FOXP2: variants seen among roughly 807,000 people sequenced by gnomAD.
FOXP2 encodes the protein forkhead box P2.
FOXP2 carries 12 observed loss-of-function variants against 115.8 expected under a neutral mutation model. The ratio of observed to expected loss-of-function variants is 0.10; its 90% confidence interval spans 0.07 to 0.17. FOXP2 has a LOEUF of 0.17. Ranked by LOEUF, FOXP2 falls within the 10% of genes least tolerant of loss-of-function variation. The probability of loss-of-function intolerance (pLI) is 1.00; values close to 1 mark genes in which losing one functional copy is unlikely to be tolerated. For synonymous variants in FOXP2, 328 were observed against 297.7 expected (o/e 1.10, Z -1.05); for missense variants, 629 against 843.5 (o/e 0.75, Z 3.15).
At chr7:114,623,412 T>A in intron 3 of FOXP2, among the ~76,000 whole-genome samples, 1 of 151,888 alleles carries the variant, frequency 6.6e-6, no homozygotes, top group Admixed American at 6.6e-5. Flanking sequence ...TTTCAGCTAA[T>A]CAAAGAGGGG....
intron 2 of FOXP2, among the ~76,000 whole-genome samples, chr7:114,353,647 CATA>C (rs1482142185): frequency 6.6e-6 from 1 of 152,092 alleles, no homozygotes; most frequent in Non-Finnish European, 1.5e-5. Flanking sequence ...TCATAAGTAT[CATA>C]ATACTTCTGA....
chr7:114,556,456 A>G (rs1800457734), intron 3 of FOXP2, among the ~76,000 whole-genome samples: 1 of 152,130 alleles, frequency 6.6e-6, no homozygotes, highest in African/African-American at 2.4e-5. Context: ...AGGGGTGATC[A>G]TAATCTGAAT....
At chr7:114,086,842 TTC>T (rs201571454), upstream of FOXP2, among the ~76,000 whole-genome samples, 2,625 of 152,270 alleles carry the variant, frequency 0.017, 43 homozygotes, top group Middle Eastern at 0.034. Context: ...CCACTTGTTG[TTC>T]TCTTTCATTT....
At chr7:114,672,602 T>C (rs1376206375) in intron 16 of FOXP2, among the ~76,000 whole-genome samples, 1 of 45,588 alleles carries the variant, frequency 2.2e-5, no homozygotes, top group South Asian at 1.6e-3. Context: ...AAAATACCTA[T>C]TACTTTTACT....
intron 2 of FOXP2, among the ~76,000 whole-genome samples, chr7:114,502,477 A>T (rs1248181208): frequency 2.0e-5 from 3 of 152,068 alleles, no homozygotes; most frequent in Admixed American, 6.6e-5. Flanking sequence ...AAAGATATTC[A>T]TAACAATTTT....
chr7:114,430,502 A>T (rs1000928457), intron 2 of FOXP2, among the ~76,000 whole-genome samples: 2 of 151,840 alleles, frequency 1.3e-5, no homozygotes, highest in Middle Eastern at 3.2e-3. Flanking sequence ...TTACATACAT[A>T]TTTCAGAAGG....
At chr7:114,164,088 C>G (rs921379119) in intron 1 of FOXP2, among the ~76,000 whole-genome samples, 1 of 152,074 alleles carries the variant, frequency 6.6e-6, no homozygotes, top group Admixed American at 6.6e-5. Flanking sequence ...ATGGAGTGGT[C>G]CAAGTGGCCC....
At chr7:114,160,599 G>C (rs1249056927), upstream of FOXP2, among the ~76,000 whole-genome samples, 1 of 152,072 alleles carries the variant, frequency 6.6e-6, no homozygotes, top group Non-Finnish European at 1.5e-5. Context: ...GCATACTTGA[G>C]AGAATCTGCA....
chr7:114,556,911 T>A (rs925206741), intron 3 of FOXP2, among the ~76,000 whole-genome samples: 1 of 152,220 alleles, frequency 6.6e-6, no homozygotes, highest in African/African-American at 2.4e-5. Flanking sequence ...TCTTTTGTAT[T>A]GTTTTTTGAA....
intron 2 of FOXP2, among the ~76,000 whole-genome samples, chr7:114,442,244 T>C (rs974525394): frequency 6.6e-6 from 1 of 152,156 alleles, no homozygotes; most frequent in Non-Finnish European, 1.5e-5. Context: ...ATAATTCTAT[T>C]TGTATGAAGC....
chr7:114,680,975 C>T (rs1808057026), intron 16 of FOXP2, among the ~76,000 whole-genome samples: 2 of 152,094 alleles, frequency 1.3e-5, no homozygotes, highest in African/African-American at 4.8e-5. Flanking sequence ...ATTAAGAATA[C>T]ATGTGTTTTA....
chr7:114,114,064 T>C (rs1359234095), intron 1 of FOXP2, among the ~76,000 whole-genome samples: 2 of 151,130 alleles, frequency 1.3e-5, no homozygotes, highest in African/African-American at 4.9e-5. Flanking sequence ...GAAAATAAAA[T>C]AAAACAAAAA....
rs879260902 is a variant in FOXP2 at position 114,395,884 on chromosome 7, T to A, written c.-10-30618T>A. Among the ~76,000 whole-genome samples the A allele has an allele frequency of 1.1e-4, 17 of 152,036 alleles. 1 individual carries two copies. Among genetic ancestry groups the A allele is most frequent in the East Asian group, 3.9e-4 (2 of 5,172 alleles). On this transcript the variant is annotated intron_variant, in intron 2 of 17. Transcript: ENST00000634411. ...CGTTTTCTTTCTTTTTTTAAAAAAA[T>A]TTTTTCTAACTACATAGTAGGCATT...
intron 2 of FOXP2, among the ~76,000 whole-genome samples, chr7:114,383,184 G>A (rs1404080618): frequency 6.6e-6 from 1 of 151,294 alleles, no homozygotes; most frequent in Non-Finnish European, 1.5e-5. Flanking sequence ...CAGATTAAAG[G>A]ATTGTCCTAA....
chr7:114,238,894 A>G (rs1292462315), intron 1 of FOXP2, among the ~76,000 whole-genome samples: 1 of 150,208 alleles, frequency 6.7e-6, no homozygotes, highest in African/African-American at 2.4e-5. Context: ...TTGGCCTTAG[A>G]TGTCTAAATA....
intron 2 of FOXP2, among the ~76,000 whole-genome samples, chr7:114,335,056 A>G (rs1206060020): frequency 6.6e-6 from 1 of 150,450 alleles, no homozygotes; most frequent in Non-Finnish European, 1.5e-5. Context: ...TATGGTTGCA[A>G]AATACTGGGT....
chr7:114,572,244 CA>C (rs60230251), intron 3 of FOXP2, among the ~76,000 whole-genome samples: 79 of 145,662 alleles, frequency 5.4e-4, no homozygotes, highest in African/African-American at 1.5e-3. Flanking sequence ...TGGTAAATGT[CA>C]AAAAAAAAAG....
At chr7:114,137,440 T>C (rs1792069439) in intron 1 of FOXP2, among the ~76,000 whole-genome samples, 2 of 152,156 alleles carry the variant, frequency 1.3e-5, no homozygotes, top group South Asian at 4.1e-4. Flanking sequence ...TAATTTTAGA[T>C]GAGTAGAGAG....
intron 6 of FOXP2, among the ~76,000 whole-genome samples, chr7:114,632,706 T>A (rs1804988849): frequency 6.6e-6 from 1 of 152,130 alleles, no homozygotes; most frequent in Admixed American, 6.5e-5. Context: ...TTTTTCCCCC[T>A]GGTTTTCCTC....
Sources: gnomAD v4.1 joint callset for allele counts (sites outside exome capture counted in the v4.1 genomes callset) on GRCh38, gnomAD v4.1.1 for gene constraint, MANE v1.5 for transcripts, NCBI Gene and HGNC (gene_info 2026-07-23, HGNC 2026-07-21) for gene names.